Variants in ENPP3 observed in about 807,000 individuals in gnomAD.
ENPP3 encodes ectonucleotide pyrophosphatase/phosphodiesterase 3.
In ENPP3, 104 loss-of-function variants were observed where a neutral mutation model predicts 117.8. The ratio of observed to expected loss-of-function variants is 0.88; its 90% CI spans 0.75 to 1.04. The LOEUF (loss-of-function observed/expected upper bound fraction) is 1.04, where lower values mean the gene tolerates loss of function less well. Among genes scored for constraint, ENPP3 ranks in the 50% least tolerant of loss-of-function variants. The pLI, the probability that ENPP3 is intolerant of heterozygous loss-of-function variation, is 0.00. For missense variants in ENPP3, 1,026 were observed against 1,051.9 expected, an observed-to-expected ratio of 0.98 and a Z score of 0.34; for synonymous variants, 380 against 349.9, an observed-to-expected ratio of 1.09 and a Z score of -0.96.
intron 2 of ENPP3, 111 bp from the exon 3 acceptor site, chr6:131,649,916 C>G (rs1333454586): frequency 2.7e-6 from 3 of 1,122,674 alleles, no homozygotes; most frequent in Non-Finnish European, 3.9e-6. Flanking sequence ...TAAAAATCAT[C>G]TAGTTGTCTG....
At chr6:131,675,802 A>T in intron 9 of ENPP3, among the ~76,000 whole-genome samples, 1 of 152,186 alleles carries the variant, frequency 6.6e-6, no homozygotes, top group East Asian at 1.9e-4. Flanking sequence ...GGGCTCCTGC[A>T]GTGTAGTCCA....
In ENPP3 at chr6:131,743,098, G is replaced by A. The variant is rs553029928; in HGVS notation, c.2457+2718G>A. On this transcript the variant is annotated intron_variant, in intron 24 of 24. Transcript: ENST00000357639. ...AAAAGAGATTGCAAAGTTAATAAGA[G>A]TAGCTGTCAATTAGATATGGGGAAG... Among the ~76,000 whole-genome samples the A allele has an allele frequency of 1.1e-4, 17 of 152,270 alleles. 1 individual carries two copies. The South Asian group carries it at 2.5e-3, about 22-fold the overall frequency.
chr6:131,670,823 T>C lies in ENPP3; in HGVS notation c.563-425T>C, dbSNP rs1485997021. Among the ~76,000 whole-genome samples, 4 of 152,158 alleles carry C rather than the reference T, an allele frequency of 2.6e-5. No individual in the cohort carries two copies. The East Asian group carries it at 7.7e-4, about 29-fold the overall frequency. On this transcript the variant is annotated intron_variant, in intron 6 of 24. Transcript: ENST00000357639. ...ACATTTTTAAATGGTTGGAAGAAAG[T>C]AAGAATATTTTATGACACGTAAAAA...
Position 131,746,805 on chromosome 6 carries a change from T to C in ENPP3, c.2477T>C (p.Leu826Pro), listed in dbSNP as rs1231808357. ...ESCPEGKPEALWVEERFTAHI... is the reference protein window; with the variant it reads ...ESCPEGKPEAPWVEERFTAHI... Reference sequence around the variant, plus strand: ...TTTCAGGAAGGTAAACCAGAAGCTCTTTGGGTTGAAGAAAGATTTACAGCT... The same window carrying C: ...TTTCAGGAAGGTAAACCAGAAGCTCCTTGGGTTGAAGAAAGATTTACAGCT... The change falls in exon 25 of 25, where the codon CTT becomes CCT. Residue 826 changes from leucine to proline, a missense_variant. Leu to Pro is a moderately conservative substitution (Grantham distance 98). Coordinates refer to ENST00000357639, the MANE Select transcript of ENPP3 (RefSeq NM_005021.5). 6.2e-7 allele frequency: 1 copy of C among 1,606,916 alleles called. No homozygotes were observed. Among genetic ancestry groups the C allele is most frequent in the Non-Finnish European group, 8.5e-7 (1 of 1,177,772 alleles).
rs1780337131 is a variant in ENPP3 at position 131,733,738 on chromosome 6, T to C, written c.2089+15T>C. On this transcript the variant is annotated intron_variant, in intron 21 of 24. Transcript: ENST00000357639. ...CTATCCTCCTGGTTAGTAGAACTCTTTTTTAGAGCAGTAGCTTAGAAAGCT... is the reference window on the plus strand; with the variant it reads ...CTATCCTCCTGGTTAGTAGAACTCTCTTTTAGAGCAGTAGCTTAGAAAGCT... 6.2e-7 allele frequency: 1 copy of C among 1,612,684 alleles called. No homozygotes were observed. The highest frequency in any genetic ancestry group is 8.5e-7 in the Non-Finnish European group (1 of 1,178,868).
Position 131,685,451 on chromosome 6 carries a change from C to T in ENPP3, c.1208C>T (p.Ala403Val), listed in dbSNP as rs1276713826. 6.2e-7 allele frequency: 1 copy of T among 1,613,400 alleles called. No individual in the cohort carries two copies. The highest frequency in any genetic ancestry group is 1.3e-5 in the African/African-American group (1 of 74,840). Residue 403 changes from alanine (A) to valine (V), a missense_variant, in exon 13 of 25, where the codon GCC becomes GTC. Physicochemically the swap from Ala to Val is moderately conservative, Grantham distance 64. Coordinates refer to ENST00000357639, the MANE Select transcript of ENPP3 (RefSeq NM_005021.5). Reference sequence around the variant, plus strand: ...TTCTTCTACATGTACGAAGGGCCTGCCCCCCGCATCCGAGCTCATAATATA... The same window carrying T: ...TTCTTCTACATGTACGAAGGGCCTGTCCCCCGCATCCGAGCTCATAATATA... ...INFFYMYEGP[A>V]PRIRAHNIPH...
chr6:131,674,524 C>A, intron 8 of ENPP3: 1 of 497,206 alleles, frequency 2.0e-6, no homozygotes. Flanking sequence ...GGAAGTTACT[C>A]AGAAAGATTA....
rs1478906825 is a variant in ENPP3, at chr6:131,720,111, G to T, written c.1480-181G>T. Reference sequence around the variant, plus strand: ...TACAGCACTGATTATATTTGGTTGGGATTGGTACAACATTGCAGGTGGAAA... The same window carrying T: ...TACAGCACTGATTATATTTGGTTGGTATTGGTACAACATTGCAGGTGGAAA... On this transcript the variant is annotated intron_variant, in intron 16 of 24. Transcript: ENST00000357639. 2.0e-5 allele frequency among the ~76,000 whole-genome samples: 3 copies of T among 152,090 alleles called. No homozygotes were observed. In the East Asian group the frequency reaches 5.8e-4, roughly 29 times the overall value.
At chr6:131,730,760 C>A (rs1562478996) in intron 20 of ENPP3, among the ~76,000 whole-genome samples, 2 of 151,960 alleles carry the variant, frequency 1.3e-5, no homozygotes, top group South Asian at 4.1e-4. Flanking sequence ...ACTAAAAATA[C>A]AAAAATTAGC....
chr6:131,746,831 C>A lies in ENPP3; in HGVS notation c.2503C>A (p.His835Asn). ...ALWVEERFTA[H>N]IARVRDVELL... ...TTGGGTTGAAGAAAGATTTACAGCT[C>A]ACATTGCCCGGGTCCGTGATGTAGA... is the stretch of plus-strand genomic sequence containing the variant. Residue 835 changes from histidine (H) to asparagine (N), a missense_variant, in exon 25 of 25, where the codon CAC becomes AAC. By Grantham distance (68) the His-to-Asn change is moderately conservative. Transcript: ENST00000357639. 6.2e-7 allele frequency: 1 copy of A among 1,612,490 alleles called. No individual in the cohort carries two copies. Among genetic ancestry groups the A allele is most frequent in the Non-Finnish European group, 8.5e-7 (1 of 1,179,510 alleles).
At chr6:131,650,591 G>T (rs904361208) in intron 3 of ENPP3, among the ~76,000 whole-genome samples, 1 of 152,182 alleles carries the variant, frequency 6.6e-6, no homozygotes, top group Admixed American at 6.5e-5. Context: ...AAGTACCACA[G>T]ACTGGGTGGC....
intron 11 of ENPP3, among the ~76,000 whole-genome samples, chr6:131,679,069 C>CT (rs532232598): frequency 4.0e-5 from 5 of 126,430 alleles, no homozygotes; most frequent in Admixed American, 8.6e-5. Flanking sequence ...TTCTTTCTTT[C>CT]TTTCTTTCTT....
At chr6:131,657,890 G>A (rs770754750) in intron 5 of ENPP3, among the ~76,000 whole-genome samples, 21 of 152,152 alleles carry the variant, frequency 1.4e-4, no homozygotes, top group Non-Finnish European at 2.5e-4. Context: ...TAGGCCAGGC[G>A]TGGTGACTCA....
intron 14 of ENPP3, among the ~76,000 whole-genome samples, chr6:131,691,926 C>A (rs891539590): frequency 2.6e-5 from 4 of 152,122 alleles, no homozygotes; most frequent in African/African-American, 4.8e-5. Flanking sequence ...AGAAAATATA[C>A]CAAAATAGGC....
At chr6:131,669,788 T>A (rs1223660619) in intron 6 of ENPP3, among the ~76,000 whole-genome samples, 1 of 151,936 alleles carries the variant, frequency 6.6e-6, no homozygotes, top group Non-Finnish European at 1.5e-5. Context: ...GCCCTAGAAG[T>A]TTCTGAAGGA....
At chr6:131,672,291 T>G (rs1388879901) in intron 7 of ENPP3, among the ~76,000 whole-genome samples, 1 of 152,154 alleles carries the variant, frequency 6.6e-6, no homozygotes. Flanking sequence ...ATGCCATACT[T>G]TTTATATTCT....
chr6:131,745,836 C>T (rs1436713788), intron 24 of ENPP3, among the ~76,000 whole-genome samples: 7 of 152,018 alleles, frequency 4.6e-5, no homozygotes, highest in South Asian at 2.1e-4. Flanking sequence ...TGAATGTACT[C>T]GGCCGGGTGC....
At chr6:131,694,223 C>T (rs1482646577) in intron 15 of ENPP3, among the ~76,000 whole-genome samples, 1 of 152,220 alleles carries the variant, frequency 6.6e-6, no homozygotes, top group Non-Finnish European at 1.5e-5. Context: ...ATGACTCACT[C>T]CATCTTAAAT....
At chr6:131,671,925 G>A (rs969836796) in intron 7 of ENPP3, among the ~76,000 whole-genome samples, 2 of 152,112 alleles carry the variant, frequency 1.3e-5, no homozygotes, top group African/African-American at 4.8e-5. Flanking sequence ...TTAAGGCATC[G>A]GCTGCCTCAA....
Sources: allele counts gnomAD v4.1 joint callset (sites outside exome capture counted in the v4.1 genomes callset), GRCh38; gene constraint gnomAD v4.1.1; transcripts MANE v1.5; gene names NCBI Gene and HGNC (gene_info 2026-07-23, HGNC 2026-07-21).